NCOR2: variants seen among roughly 807,000 people sequenced by gnomAD.
NCOR2 encodes CTG repeat protein 26.
In NCOR2, 81 loss-of-function variants were observed where a neutral mutation model predicts 262.9. The ratio of observed to expected loss-of-function variants is 0.31; its 90% CI spans 0.26 to 0.37. NCOR2 has a LOEUF of 0.37. NCOR2 is among the 10% of genes least tolerant of loss of function. The probability of loss-of-function intolerance (pLI) is 1.00; values close to 1 mark genes in which losing one functional copy is unlikely to be tolerated. For missense variants in NCOR2, 3,385 were observed against 3,621.4 expected (o/e 0.93, Z 1.68); for synonymous variants, 1,659 against 1,559.3 (o/e 1.06, Z -1.51).
At chr12:124,396,560 C>A (rs887259832) in intron 16 of NCOR2, among the ~76,000 whole-genome samples, 1 of 152,206 alleles carries the variant, frequency 6.6e-6, no homozygotes, top group African/African-American at 2.4e-5. Flanking sequence ...AGTGCCCAGG[C>A]CCCGCTGGCA....
intron 1 of NCOR2, chr12:124,556,379 CCA>C (rs1187228625): frequency 2.0e-5 from 3 of 152,306 alleles, no homozygotes; most frequent in Non-Finnish European, 4.4e-5. Flanking sequence ...TACGAGGCAC[CCA>C]CAGTGTGCCC....
At chr12:124,529,824 A>T (rs1371111663) in intron 1 of NCOR2, 1 of 152,290 alleles carries the variant, frequency 6.6e-6, no homozygotes, top group Non-Finnish European at 1.5e-5. Flanking sequence ...GCAAGTGCTG[A>T]CAAGGATGGG....
chr12:124,343,174 A>G (rs1240588521), exon 33 of NCOR2: 17 of 1,609,684 alleles, frequency 1.1e-5, no homozygotes, highest in Non-Finnish European at 1.4e-5. Context: ...CGATCTCACG[A>G]GGCGTCGACG....
chr12:124,355,140 T>G, intron 24 of NCOR2: 1 of 614,318 alleles, frequency 1.6e-6, no homozygotes, highest in Non-Finnish European at 2.8e-6. Context: ...TCTGAGCCCC[T>G]TGCATTTGCC....
intron 1 of NCOR2, among the ~76,000 whole-genome samples, chr12:124,533,671 A>G (rs1032040691): frequency 1.3e-5 from 2 of 152,162 alleles, no homozygotes; most frequent in East Asian, 3.9e-4. Context: ...GGTGCTTTAG[A>G]AAGAGCCATT....
rs527611086 is a variant in NCOR2, at chr12:124,356,915, C to T, written c.3101-133G>A. 8.5e-5 allele frequency: 100 copies of T among 1,172,698 alleles called. 1 individual carries two copies. The South Asian group carries it at 1.5e-3, about 18-fold the overall frequency. 72.6% of individuals were successfully genotyped at this position (1,172,698 alleles called of 1,614,324 possible). Reference sequence around the variant, plus strand: ...TGGCCTGTGACGGCCTGGGCTCCTCCGGGAAGCCCCCCAAGTCTGCCTGCC... The same window carrying T: ...TGGCCTGTGACGGCCTGGGCTCCTCTGGGAAGCCCCCCAAGTCTGCCTGCC... On this transcript the variant is annotated intron_variant, in intron 22 of 46. Transcript: ENST00000405201.
chr12:124,421,200 C>T (rs944682626), intron 12 of NCOR2, among the ~76,000 whole-genome samples: 22 of 152,262 alleles, frequency 1.4e-4, no homozygotes, highest in African/African-American at 3.9e-4. Context: ...TGACTGTCCC[C>T]GCCGGCCTCT....
intron 1 of NCOR2, among the ~76,000 whole-genome samples, chr12:124,533,539 G>A (rs909058061): frequency 3.9e-5 from 6 of 151,908 alleles, no homozygotes; most frequent in African/African-American, 9.7e-5. Context: ...CAAGAGACCC[G>A]CTAAGCGTCG....
chr12:124,389,208 G>T lies in NCOR2; in HGVS notation c.1877-3321C>A, dbSNP rs2041079885. On this transcript the variant is annotated intron_variant, in intron 16 of 46. Coordinates refer to ENST00000405201, the Ensembl canonical transcript of NCOR2. This position sits in a 1 kb window ranked among gnomAD's most constrained non-coding sequence, Gnocchi z 4.4. The stretch of plus-strand genomic sequence containing the variant: ...CGAGCAATGCCGGCCAGAGCCCACA[G>T]ACCCCCGGGCCGGGCAAAATCCAAG... Among the ~76,000 whole-genome samples the T allele has an allele frequency of 6.6e-6, 1 of 152,254 alleles. No individual in the cohort carries two copies. Among genetic ancestry groups the T allele is most frequent in the African/African-American group, 2.4e-5 (1 of 41,472 alleles).
chr12:124,325,374 A>ACCACCCC, exon 47 of NCOR2: 3 of 316,298 alleles, frequency 9.5e-6, no homozygotes, highest in Non-Finnish European at 1.3e-5. Context: ...GGGACCTGAC[A>ACCACCCC]CCGCCCCCCC....
chr12:124,505,730 G>A (rs1039561765), intron 1 of NCOR2, among the ~76,000 whole-genome samples: 4 of 152,176 alleles, frequency 2.6e-5, no homozygotes, highest in African/African-American at 9.7e-5. Context: ...CCCAGAAGGA[G>A]AGCGTGGCTG....
At chr12:124,372,189 C>G (rs760706990) in exon 20 of NCOR2, 1 of 1,601,626 alleles carries the variant, frequency 6.2e-7, no homozygotes. Context: ...CAGCGGCCTC[C>G]GCGTCCTTGC....
chr12:124,450,331 A>T (rs980785965), intron 6 of NCOR2, among the ~76,000 whole-genome samples: 3 of 152,226 alleles, frequency 2.0e-5, no homozygotes, highest in African/African-American at 7.2e-5. Flanking sequence ...AGTGTTGGTG[A>T]GGTCTGGGGT....
chr12:124,533,517 G>T (rs1211909412), intron 1 of NCOR2, among the ~76,000 whole-genome samples: 1 of 151,906 alleles, frequency 6.6e-6, no homozygotes, highest in Admixed American at 6.6e-5. Flanking sequence ...TCCTCAGCCT[G>T]GTGCTCACCA....
chr12:124,398,460 C>T (rs1247483867), intron 15 of NCOR2, among the ~76,000 whole-genome samples: 2 of 152,206 alleles, frequency 1.3e-5, no homozygotes, highest in African/African-American at 4.8e-5. Flanking sequence ...CCGCTGAAGT[C>T]GGGGCACCTG....
intron 13 of NCOR2, among the ~76,000 whole-genome samples, chr12:124,412,116 G>A (rs1199656813): frequency 1.3e-5 from 2 of 152,272 alleles, no homozygotes; most frequent in East Asian, 1.9e-4. Flanking sequence ...GGATGCCAAG[G>A]TGGGCCAGAG....
At chr12:124,478,856 GAA>G (rs1411958298) in intron 3 of NCOR2, among the ~76,000 whole-genome samples, 1 of 152,186 alleles carries the variant, frequency 6.6e-6, no homozygotes. Flanking sequence ...GACACAAAGA[GAA>G]AGAGATGGAG....
chr12:124,554,203 T>C (rs1363568616), intron 1 of NCOR2, among the ~76,000 whole-genome samples: 5 of 152,240 alleles, frequency 3.3e-5, no homozygotes, highest in Admixed American at 6.5e-5. Context: ...GTCTCTTTCC[T>C]GCCAGAGGTG....
At chr12:124,553,910 G>A (rs2051797695) in intron 1 of NCOR2, among the ~76,000 whole-genome samples, 1 of 152,200 alleles carries the variant, frequency 6.6e-6, no homozygotes, top group South Asian at 2.1e-4. Context: ...CCACTCCGCA[G>A]CTGGTGTCCC....
Sources: allele counts gnomAD v4.1 joint callset (sites outside exome capture counted in the v4.1 genomes callset), GRCh38; gene constraint gnomAD v4.1.1; non-coding constraint Gnocchi (gnomAD v3.1); transcripts MANE v1.5; gene names NCBI Gene and HGNC (gene_info 2026-07-23, HGNC 2026-07-21).